The following SRGAP3 variants were observed in gnomAD, a reference collection of about 807,000 sequenced individuals.
The protein encoded by SRGAP3 is SLIT-ROBO Rho GTPase-activating protein 3.
In SRGAP3, 39 loss-of-function variants were observed where a neutral mutation model predicts 121.1. That is an observed-to-expected ratio of 0.32 (90% CI 0.25 to 0.42). The LOEUF (loss-of-function observed/expected upper bound fraction) is 0.42, where lower values mean the gene tolerates loss of function less well. Among genes scored for constraint, SRGAP3 ranks in the 10% least tolerant of loss-of-function variants. The pLI, the probability that SRGAP3 is intolerant of heterozygous loss-of-function variation, is 1.00. For synonymous variants in SRGAP3, 601 were observed against 570.0 expected (o/e 1.05, Z -0.77); for missense variants, 1,213 against 1,470.6 (o/e 0.82, Z 2.86).
intron 4 of SRGAP3, among the ~76,000 whole-genome samples, chr3:9,069,252 G>A (rs1431252813): frequency 6.6e-6 from 1 of 152,206 alleles, no homozygotes; most frequent in Non-Finnish European, 1.5e-5. Flanking sequence ...GGGTAGCTGT[G>A]GAGAGGTGTG....
intron 18 of SRGAP3, among the ~76,000 whole-genome samples, chr3:8,998,456 A>G (rs576492037): frequency 7.9e-5 from 12 of 151,940 alleles, no homozygotes; most frequent in Middle Eastern, 3.4e-3. Flanking sequence ...CTCTTGCTTT[A>G]TTTCTCTTCA....
At chr3:9,359,444 TTGCTCATGATTGAAGCATGGACAACCA>T (rs1383364985) in intron 1 of SRGAP3, among the ~76,000 whole-genome samples, 8 of 152,228 alleles carry the variant, frequency 5.3e-5, no homozygotes, top group African/African-American at 1.4e-4. Context: ...ACTTCATTGG[TTGCTCATGATTGAAGCATGGACAACCA>T]TGCTCATGAT....
chr3:9,266,341 T>C (rs973527268), intron 3 of SRGAP3, among the ~76,000 whole-genome samples: 3 of 152,064 alleles, frequency 2.0e-5, no homozygotes, highest in African/African-American at 7.2e-5. Flanking sequence ...CTGCATGTTC[T>C]GCACATGTAT....
At chr3:9,185,828 C>T (rs1007708799) in intron 1 of SRGAP3, among the ~76,000 whole-genome samples, 5 of 152,100 alleles carry the variant, frequency 3.3e-5, no homozygotes, top group Admixed American at 6.5e-5. Flanking sequence ...TGAGCCACTG[C>T]ACCTGATTGA....
intron 2 of SRGAP3, among the ~76,000 whole-genome samples, chr3:9,329,527 C>G (rs957547160): frequency 6.6e-6 from 1 of 152,202 alleles, no homozygotes; most frequent in African/African-American, 2.4e-5. Flanking sequence ...TCATCTTTAA[C>G]CCAACCTCCG....
intron 4 of SRGAP3, among the ~76,000 whole-genome samples, chr3:9,078,462 C>A (rs892754195): frequency 2.0e-5 from 3 of 152,234 alleles, no homozygotes; most frequent in Admixed American, 6.5e-5. Flanking sequence ...CCCTTCCCCC[C>A]ACCGTGAGTA....
intron 1 of SRGAP3, among the ~76,000 whole-genome samples, chr3:9,137,318 C>T (rs74387243): frequency 2.6e-5 from 4 of 152,182 alleles, no homozygotes; most frequent in East Asian, 3.9e-4. Flanking sequence ...ATATCAACTC[C>T]GAAGGCTTCC....
At chr3:9,145,744 T>C (rs1950001774) in intron 1 of SRGAP3, among the ~76,000 whole-genome samples, 1 of 151,682 alleles carries the variant, frequency 6.6e-6, no homozygotes, top group Non-Finnish European at 1.5e-5. Context: ...ACTCAGGAAG[T>C]AGGGGAGATG....
chr3:9,344,536 G>T (rs758035270), intron 1 of SRGAP3, among the ~76,000 whole-genome samples: 144 of 152,338 alleles, frequency 9.5e-4, no homozygotes, highest in Admixed American at 3.1e-3. Context: ...AGAAGACTGA[G>T]GCAGGAGAAT....
chr3:9,143,319 C>T (rs1240292585), intron 1 of SRGAP3, among the ~76,000 whole-genome samples: 1 of 152,206 alleles, frequency 6.6e-6, no homozygotes, highest in Admixed American at 6.5e-5. Context: ...CCAGACATTT[C>T]TCCCCAGCAC....
chr3:9,108,375 TG>T (rs1172985084), intron 2 of SRGAP3, among the ~76,000 whole-genome samples: 1 of 152,182 alleles, frequency 6.6e-6, no homozygotes, highest in African/African-American at 2.4e-5. Context: ...CCCAGGGCTT[TG>T]GGAGGCTGAG....
intron 1 of SRGAP3, among the ~76,000 whole-genome samples, chr3:9,354,681 C>CAAAAAAAAAAA (rs34026081): frequency 1.4e-5 from 1 of 70,816 alleles, no homozygotes. Context: ...GACTCCATCT[C>CAAAAAAAAAAA]AAAAAAAAAA....
chr3:9,125,049 C>G, intron 1 of SRGAP3, 132 bp from the exon 2 acceptor site: 3 of 1,020,232 alleles, frequency 2.9e-6, no homozygotes, highest in Non-Finnish European at 4.4e-6. Flanking sequence ...TCTCTGAGCC[C>G]AGCCAGAGCT....
intron 4 of SRGAP3, among the ~76,000 whole-genome samples, chr3:9,076,153 C>T (rs1425760498): frequency 6.6e-6 from 1 of 152,136 alleles, no homozygotes; most frequent in African/African-American, 2.4e-5. Context: ...CAGAAAACTG[C>T]AGCCACAGGA....
chr3:8,993,638 G>T (rs1434151787), intron 19 of SRGAP3, among the ~76,000 whole-genome samples: 1 of 152,172 alleles, frequency 6.6e-6, no homozygotes, highest in African/African-American at 2.4e-5. Context: ...CCTCCACTAT[G>T]GCATTCCTCT....
chr3:9,186,876 C>G (rs750866863), intron 1 of SRGAP3, among the ~76,000 whole-genome samples: 3 of 152,194 alleles, frequency 2.0e-5, no homozygotes, highest in Non-Finnish European at 4.4e-5. Flanking sequence ...AGCACCAAAG[C>G]AAGGTTAATT....
chr3:9,246,235 C>A (rs1331828648), intron 1 of SRGAP3, among the ~76,000 whole-genome samples: 1 of 152,200 alleles, frequency 6.6e-6, no homozygotes, highest in African/African-American at 2.4e-5. Context: ...GTTCCCTTCA[C>A]AAAATTCACA....
chr3:9,078,881 CT>C (rs1384967034), intron 4 of SRGAP3, among the ~76,000 whole-genome samples: 1 of 152,162 alleles, frequency 6.6e-6, no homozygotes, highest in African/African-American at 2.4e-5. Context: ...TCTAAGAACT[CT>C]CAGCCCCGTT....
chr3:9,348,789 A>C, intron 1 of SRGAP3: 1 of 1,366,926 alleles, frequency 7.3e-7, no homozygotes, highest in Non-Finnish European at 1.0e-6. Context: ...ATCTGGAGGC[A>C]CTCCTATGAT....
Sources: gnomAD v4.1 joint callset for allele counts (sites outside exome capture counted in the v4.1 genomes callset) on GRCh38, gnomAD v4.1.1 for gene constraint, MANE v1.5 for transcripts, NCBI Gene and HGNC (gene_info 2026-07-23, HGNC 2026-07-21) for gene names.